Variants in MALRD1 observed in about 807,000 individuals in gnomAD.
MALRD1 encodes the protein MAM and LDL-receptor class A domain-containing protein 1.
A neutral mutation model predicts 242.1 loss-of-function variants in MALRD1; 247 were observed. The ratio of observed to expected loss-of-function variants is 1.02; its 90% CI spans 0.92 to 1.13. MALRD1 has a LOEUF of 1.13. MALRD1 is among the 50% of genes most tolerant of loss of function. The pLI is 0.00. For missense variants in MALRD1, 2,989 were observed against 2,533.1 expected (o/e 1.18, Z -3.86); for synonymous variants, 995 against 866.6 (o/e 1.15, Z -2.60).
intron 26 of MALRD1, among the ~76,000 whole-genome samples, chr10:19,377,291 G>A (rs1020415739): frequency 4.0e-5 from 6 of 151,772 alleles, no homozygotes; most frequent in African/African-American, 7.3e-5. Context: ...ATAATGCATG[G>A]GTTATTTTTA....
intron 28 of MALRD1, among the ~76,000 whole-genome samples, chr10:19,430,765 T>G (rs1375360334): frequency 6.6e-6 from 1 of 152,198 alleles, no homozygotes; most frequent in African/African-American, 2.4e-5. Flanking sequence ...TTTCATTATG[T>G]GTCCTCACCT....
intron 11 of MALRD1, 82 bp downstream of exon 11, chr10:19,146,426 A>C: frequency 3.5e-6 from 4 of 1,127,060 alleles, no homozygotes; most frequent in Non-Finnish European, 4.5e-6. Flanking sequence ...TTTCATTTCT[A>C]TTCTGTAGAC....
intron 38 of MALRD1, among the ~76,000 whole-genome samples, chr10:19,697,744 C>T (rs533277194): frequency 3.9e-5 from 6 of 152,192 alleles, no homozygotes; most frequent in African/African-American, 1.4e-4. Flanking sequence ...TCTTCTATTT[C>T]TCTCATTTTC....
intron 2 of MALRD1, among the ~76,000 whole-genome samples, chr10:19,081,699 C>A (rs2131281339): frequency 6.6e-6 from 1 of 152,066 alleles, no homozygotes; most frequent in East Asian, 1.9e-4. Flanking sequence ...ATCTGTGCAG[C>A]AAACCACCGT....
intron 5 of MALRD1, among the ~76,000 whole-genome samples, chr10:19,117,252 T>G (rs894482834): frequency 6.6e-6 from 1 of 152,134 alleles, no homozygotes; most frequent in Non-Finnish European, 1.5e-5. Flanking sequence ...AATTGACAAT[T>G]TATGCATACC....
intron 34 of MALRD1, among the ~76,000 whole-genome samples, chr10:19,597,702 G>A (rs538708054): frequency 6.6e-6 from 1 of 152,294 alleles, no homozygotes; most frequent in East Asian, 1.9e-4. Flanking sequence ...CTATACATTA[G>A]TGAAGGAGGC....
intron 29 of MALRD1, among the ~76,000 whole-genome samples, chr10:19,473,701 A>G (rs1205490242): frequency 1.3e-5 from 2 of 152,078 alleles, no homozygotes; most frequent in African/African-American, 4.8e-5. Context: ...TATTGTATGC[A>G]TATACCACAT....
chr10:19,202,822 C>G (rs1836600808), intron 14 of MALRD1, among the ~76,000 whole-genome samples: 1 of 152,048 alleles, frequency 6.6e-6, no homozygotes, highest in Non-Finnish European at 1.5e-5. Context: ...ACAGTTAACA[C>G]TTATTGTCAA....
At chr10:19,330,755 G>A (rs150481163) in intron 23 of MALRD1, among the ~76,000 whole-genome samples, 17 of 152,038 alleles carry the variant, frequency 1.1e-4, no homozygotes, top group African/African-American at 3.6e-4. Flanking sequence ...GTCCACACAC[G>A]TGGGAAATCA....
intron 38 of MALRD1, among the ~76,000 whole-genome samples, chr10:19,715,533 G>A (rs1834342894): frequency 6.6e-6 from 1 of 152,078 alleles, no homozygotes; most frequent in African/African-American, 2.4e-5. Context: ...AAATTTATTG[G>A]AGAAAAGTAT....
intron 29 of MALRD1, among the ~76,000 whole-genome samples, chr10:19,488,303 C>A (rs1837321176): frequency 6.6e-6 from 1 of 152,108 alleles, no homozygotes; most frequent in African/African-American, 2.4e-5. Flanking sequence ...ATATCAGGTT[C>A]TATGTGAGGC....
rs5783657 is a variant in MALRD1 at position 19,185,814 on chromosome 10, A to AGTGTGTGTGTGT, written c.1951+10505_1951+10516dup. On this transcript the variant is annotated intron_variant, in intron 14 of 39. Transcript: ENST00000454679. Reference sequence around the variant, plus strand: ...CTCTCTGCTCTATATGTTTTGAGATAGTGTGTGTGTGTGTGTGTGTGTGTG... The same window carrying AGTGTGTGTGTGT: ...CTCTCTGCTCTATATGTTTTGAGATAGTGTGTGTGTGTGTGTGTGTGTGTGTGTGTGTGTGTG... 9.5e-3 allele frequency among the ~76,000 whole-genome samples: 1,404 copies of AGTGTGTGTGTGT among 148,368 alleles called. 8 individuals are homozygous for AGTGTGTGTGTGT. Among genetic ancestry groups the AGTGTGTGTGTGT allele is most frequent in the Non-Finnish European group, 0.014 (938 of 66,756 alleles).
At chr10:19,261,694 T>C (rs1049451143) in intron 19 of MALRD1, among the ~76,000 whole-genome samples, 2 of 152,018 alleles carry the variant, frequency 1.3e-5, no homozygotes, top group Non-Finnish European at 2.9e-5. Context: ...TGTGGGTTTC[T>C]ATCTTACCTA....
chr10:19,654,312 A>C (rs1178704925), intron 36 of MALRD1, among the ~76,000 whole-genome samples: 1 of 152,186 alleles, frequency 6.6e-6, no homozygotes, highest in Non-Finnish European at 1.5e-5. Flanking sequence ...AGCATGTCTT[A>C]TTAACAAGAT....
At chr10:19,392,296 T>A (rs1846371816) in intron 28 of MALRD1, among the ~76,000 whole-genome samples, 1 of 152,048 alleles carries the variant, frequency 6.6e-6, no homozygotes, top group Non-Finnish European at 1.5e-5. Context: ...AGTGACAGAG[T>A]GGGAACCTGA....
chr10:19,570,646 A>G (rs1001927559), intron 33 of MALRD1, among the ~76,000 whole-genome samples: 2 of 152,080 alleles, frequency 1.3e-5, no homozygotes, highest in Non-Finnish European at 2.9e-5. Context: ...GTTATAACCA[A>G]TGCAAGATCT....
chr10:19,254,548 G>A (rs1889512), intron 18 of MALRD1, among the ~76,000 whole-genome samples: 17,028 of 151,850 alleles, frequency 0.11, 1,295 homozygotes, highest in East Asian at 0.33. Context: ...GTATTAATAT[G>A]GCTGTGCCAT....
At chr10:19,599,893 C>T (rs543762530) in intron 34 of MALRD1, among the ~76,000 whole-genome samples, 1 of 152,204 alleles carries the variant, frequency 6.6e-6, no homozygotes, top group African/African-American at 2.4e-5. Flanking sequence ...TACCCATTGA[C>T]CAAATCCAAT....
chr10:19,662,592 T>G (rs768022627), intron 36 of MALRD1, among the ~76,000 whole-genome samples: 21 of 152,168 alleles, frequency 1.4e-4, no homozygotes, highest in Non-Finnish European at 2.1e-4. Context: ...GACCAAGGTA[T>G]TAAGAGTTTT....
Sources: gnomAD v4.1 joint callset for allele counts (sites outside exome capture counted in the v4.1 genomes callset) on GRCh38, gnomAD v4.1.1 for gene constraint, MANE v1.5 for transcripts, NCBI Gene and HGNC (gene_info 2026-07-23, HGNC 2026-07-21) for gene names.